PAPSS1: variants seen among roughly 807,000 people sequenced by gnomAD.
PAPSS1 encodes the protein 3'-phosphoadenosine 5'-phosphosulfate synthase 1.
In PAPSS1, 50 loss-of-function variants were observed where a neutral mutation model predicts 72.0. The observed-to-expected ratio is 0.69, with a 90% confidence interval of 0.55 to 0.88. The LOEUF (loss-of-function observed/expected upper bound fraction) is 0.88, where lower values mean the gene tolerates loss of function less well. Ranked by LOEUF, PAPSS1 falls within the 40% of genes least tolerant of loss-of-function variation. The probability of loss-of-function intolerance (pLI) is 0.00; values close to 1 mark genes in which losing one functional copy is unlikely to be tolerated. For missense variants in PAPSS1, 657 were observed against 782.2 expected (o/e 0.84, Z 1.91); for synonymous variants, 261 against 263.6 (o/e 0.99, Z 0.09).
intron 1 of PAPSS1, among the ~76,000 whole-genome samples, chr4:107,709,724 C>G (rs1723435888): frequency 1.3e-5 from 2 of 152,328 alleles, no homozygotes; most frequent in Non-Finnish European, 2.9e-5. Flanking sequence ...CAGAAGTGTA[C>G]TTAACACACT....
In PAPSS1 at chr4:107,710,837, G is replaced by A. The variant is rs908053522; in HGVS notation, c.60+9283C>T. ...TCTCTCTCCTTCTCTGGGTGCAAGC[G>A]CACCCATACAATGTCAGCAGGGCAA... On this transcript the variant is annotated intron_variant, in intron 1 of 11. Transcript: ENST00000265174. Among the ~76,000 whole-genome samples, 18 of 152,296 alleles carry A rather than the reference G, an allele frequency of 1.2e-4. No homozygotes were observed. In the East Asian group the frequency reaches 2.3e-3, roughly 20 times the overall value.
chr4:107,660,217 A>G (rs1727141965), intron 5 of PAPSS1, 145 bp from the exon 6 acceptor site: 1 of 555,818 alleles, frequency 1.8e-6, no homozygotes, highest in Admixed American at 3.7e-5. Flanking sequence ...CCCTCAACCA[A>G]TACTCTCAAG....
At chr4:107,637,547 A>T (rs2110306729) in intron 10 of PAPSS1, among the ~76,000 whole-genome samples, 1 of 152,288 alleles carries the variant, frequency 6.6e-6, no homozygotes, top group Non-Finnish European at 1.5e-5. Flanking sequence ...GATATTTTCA[A>T]TTTTTCTGAA....
At chr4:107,631,385 A>G (rs932595629) in intron 11 of PAPSS1, among the ~76,000 whole-genome samples, 1 of 152,258 alleles carries the variant, frequency 6.6e-6, no homozygotes, top group African/African-American at 2.4e-5. Flanking sequence ...CACAGTAGGC[A>G]GAGAAATAAC....
At chr4:107,676,879 C>G (rs1727665806) in intron 5 of PAPSS1, among the ~76,000 whole-genome samples, 1 of 152,098 alleles carries the variant, frequency 6.6e-6, no homozygotes, top group Non-Finnish European at 1.5e-5. Context: ...GAAATAATGC[C>G]ACATATCTAC....
chr4:107,684,655 G>C (rs897981195), intron 4 of PAPSS1, among the ~76,000 whole-genome samples: 1 of 152,058 alleles, frequency 6.6e-6, no homozygotes. Flanking sequence ...CAGTTCTTCA[G>C]ACAAACTCAA....
chr4:107,630,480 C>T (rs1349930138), intron 11 of PAPSS1, among the ~76,000 whole-genome samples: 1 of 152,180 alleles, frequency 6.6e-6, no homozygotes, highest in Non-Finnish European at 1.5e-5. Flanking sequence ...TGTTCTCTTT[C>T]CTGTGGCCAT....
intron 5 of PAPSS1, among the ~76,000 whole-genome samples, chr4:107,673,592 T>G (rs11097960): frequency 0.37 from 56,707 of 151,918 alleles, 11,186 homozygotes; most frequent in South Asian, 0.55. Context: ...CTGATTGGTG[T>G]AGCTGAAAGT....
chr4:107,689,244 C>T (rs1722858867), intron 3 of PAPSS1, among the ~76,000 whole-genome samples: 1 of 152,208 alleles, frequency 6.6e-6, no homozygotes, highest in East Asian at 1.9e-4. Flanking sequence ...TAATGTGAGG[C>T]ATCAGCCCTA....
chr4:107,680,783 A>G (rs950428158), intron 5 of PAPSS1, among the ~76,000 whole-genome samples: 4 of 152,188 alleles, frequency 2.6e-5, no homozygotes, highest in Non-Finnish European at 5.9e-5. Context: ...TAGGATTAGA[A>G]TAAGAGTGCA....
chr4:107,638,252 G>A (rs1043592494), intron 10 of PAPSS1, among the ~76,000 whole-genome samples: 2 of 152,092 alleles, frequency 1.3e-5, no homozygotes, highest in African/African-American at 4.8e-5. Flanking sequence ...TCTTCATCTT[G>A]TAGGAAAGAA....
intron 5 of PAPSS1, among the ~76,000 whole-genome samples, chr4:107,679,822 A>C (rs994319812): frequency 2.6e-5 from 4 of 152,146 alleles, no homozygotes; most frequent in African/African-American, 9.7e-5. Context: ...ATTAAGTTAA[A>C]GGATCTAATG....
In PAPSS1 at chr4:107,613,754, G is replaced by A. The variant is rs1374935565; in HGVS notation, c.*495C>T. The A allele has an allele frequency of 6.6e-6, 1 of 152,112 alleles. No homozygotes were observed. The highest frequency in any genetic ancestry group is 1.5e-5 in the Non-Finnish European group (1 of 68,056). 9.4% of individuals were successfully genotyped at this position (152,112 alleles called of 1,614,324 possible). A position where few individuals can be genotyped will look rare whatever the true frequency, so the allele number is the denominator to read the frequency against. On this transcript the variant is annotated 3_prime_UTR_variant, in exon 12 of 12. Transcript: ENST00000265174. ...AGAATACTTTAGATTATAACAGCTG[G>A]AAAGACCAATAGCTGACTGGAAAGA... is the stretch of plus-strand genomic sequence containing the variant.
At chr4:107,665,186 T>C (rs569180891) in intron 5 of PAPSS1, among the ~76,000 whole-genome samples, 69 of 152,334 alleles carry the variant, frequency 4.5e-4, no homozygotes, top group African/African-American at 1.5e-3. Flanking sequence ...AGATTCTATG[T>C]GTAAAGACAA....
intron 5 of PAPSS1, among the ~76,000 whole-genome samples, chr4:107,678,190 G>GA (rs1238481203): frequency 1.3e-4 from 19 of 144,582 alleles, no homozygotes; most frequent in Middle Eastern, 7.1e-3. Flanking sequence ...GTATAAAAAA[G>GA]AAAAAAAAAT....
At chr4:107,669,417 T>C (rs1318019341) in intron 5 of PAPSS1, among the ~76,000 whole-genome samples, 1 of 152,178 alleles carries the variant, frequency 6.6e-6, no homozygotes, top group Non-Finnish European at 1.5e-5. Flanking sequence ...CATCATAGTA[T>C]AAAAGAAGAG....
At chr4:107,628,968 TGTCA>T (rs1726166480) in intron 11 of PAPSS1, among the ~76,000 whole-genome samples, 1 of 152,218 alleles carries the variant, frequency 6.6e-6, no homozygotes, top group Non-Finnish European at 1.5e-5. Flanking sequence ...AATACAATTC[TGTCA>T]GTCAAAGAGA....
At chr4:107,708,841 G>A (rs1191506057) in intron 1 of PAPSS1, among the ~76,000 whole-genome samples, 1 of 152,174 alleles carries the variant, frequency 6.6e-6, no homozygotes, top group Non-Finnish European at 1.5e-5. Flanking sequence ...TCAGCCTAAA[G>A]GTTTCTCCAT....
At chr4:107,651,249 G>C (rs1314375187) in intron 9 of PAPSS1, among the ~76,000 whole-genome samples, 1 of 152,160 alleles carries the variant, frequency 6.6e-6, no homozygotes, top group East Asian at 1.9e-4. Flanking sequence ...GACTAGGTAG[G>C]AACTATGGAG....
Sources: allele counts gnomAD v4.1 joint callset (sites outside exome capture counted in the v4.1 genomes callset), GRCh38; gene constraint gnomAD v4.1.1; transcripts MANE v1.5; gene names NCBI Gene and HGNC (gene_info 2026-07-23, HGNC 2026-07-21).